NAALADL2: variants seen among roughly 807,000 people sequenced by gnomAD.
The protein encoded by NAALADL2 is N-acetylated alpha-linked acidic dipeptidase like 2, also known as inactive N-acetylated-alpha-linked acidic dipeptidase-like protein 2.
In NAALADL2, 76 loss-of-function variants were observed where a neutral mutation model predicts 87.2. The observed-to-expected ratio is 0.87, with a 90% CI of 0.72 to 1.05. The LOEUF is 1.05. Among genes scored for constraint, NAALADL2 ranks in the 50% least tolerant of loss-of-function variants. The pLI, the probability that NAALADL2 is intolerant of heterozygous loss-of-function variation, is 0.00. For synonymous variants in NAALADL2, 354 were observed against 331.0 expected (o/e 1.07, Z -0.75); for missense variants, 1,089 against 945.8 (o/e 1.15, Z -1.99).
intron 2 of NAALADL2, among the ~76,000 whole-genome samples, chr3:175,224,354 C>T (rs1194403141): frequency 1.3e-5 from 2 of 151,972 alleles, no homozygotes; most frequent in South Asian, 2.1e-4. Context: ...TCTCACAGCC[C>T]GAACCCCTGT....
chr3:175,567,175 G>A (rs921609271), intron 9 of NAALADL2, among the ~76,000 whole-genome samples: 2 of 152,100 alleles, frequency 1.3e-5, no homozygotes, highest in Admixed American at 1.3e-4. Flanking sequence ...GAACAAACCT[G>A]TTTTTATTGT....
intron 1 of NAALADL2, among the ~76,000 whole-genome samples, chr3:174,875,969 G>C (rs1728454606): frequency 6.6e-6 from 1 of 150,754 alleles, no homozygotes; most frequent in Non-Finnish European, 1.5e-5. Flanking sequence ...TTAAAAGATA[G>C]ATAAAAGTGA....
intron 13 of NAALADL2, among the ~76,000 whole-genome samples, chr3:175,796,523 G>A (rs747667173): frequency 2.6e-5 from 4 of 152,188 alleles, no homozygotes; most frequent in Non-Finnish European, 4.4e-5. Context: ...AGTATAAATA[G>A]TGTAGCCATG....
Position 175,809,978 on chromosome 3 carries a change from A to C in NAALADL2, c.*6775A>C, listed in dbSNP as rs1399035548. The C allele has an allele frequency of 6.6e-6, 1 of 152,014 alleles. No individual in the cohort carries two copies. The highest frequency in any genetic ancestry group is 1.9e-4 in the East Asian group (1 of 5,178). The allele number at this position is 152,014 out of a possible 1,614,324, so 9.4% of individuals were successfully genotyped here. A position where few individuals can be genotyped will look rare whatever the true frequency, so the allele number is the denominator to read the frequency against. On this transcript the variant is annotated 3_prime_UTR_variant, in exon 14 of 14. Coordinates refer to ENST00000454872, the MANE Select transcript of NAALADL2 (RefSeq NM_207015.3). ...CTTTGATTAAAAACACATATCTCTC[A>C]AGAGGTGTCCCAATTACTAAATTAT...
intron 2 of NAALADL2, among the ~76,000 whole-genome samples, chr3:174,552,234 CTTA>C (rs1280346657): frequency 6.6e-6 from 1 of 152,066 alleles, no homozygotes; most frequent in Non-Finnish European, 1.5e-5. Flanking sequence ...AGAGAAGGAT[CTTA>C]TTATTGTTGG....
At chr3:175,320,058 G>A (rs1251104679) in intron 4 of NAALADL2, among the ~76,000 whole-genome samples, 1 of 152,140 alleles carries the variant, frequency 6.6e-6, no homozygotes, top group Non-Finnish European at 1.5e-5. Flanking sequence ...CACACAACGA[G>A]CAGTGACTGC....
Position 175,034,143 on chromosome 3 carries a change from A to G in NAALADL2, c.44-62647A>G, listed in dbSNP as rs373547201. ...GTTTTCCTTTTCAAGTATGTTTAGGATCTGATTCAATCTTGCTGTCTCCAC... is the reference window on the plus strand; with the variant it reads ...GTTTTCCTTTTCAAGTATGTTTAGGGTCTGATTCAATCTTGCTGTCTCCAC... On this transcript the variant is annotated intron_variant, in intron 1 of 13. Coordinates refer to ENST00000454872, the MANE Select transcript of NAALADL2 (RefSeq NM_207015.3). Among the ~76,000 whole-genome samples, 8 of 152,080 alleles carry G rather than the reference A, an allele frequency of 5.3e-5. No individual in the cohort carries two copies. The East Asian group carries it at 7.7e-4, about 15-fold the overall frequency.
chr3:174,683,315 TAGAG>T (rs544555131), intron 2 of NAALADL2, among the ~76,000 whole-genome samples: 37 of 152,162 alleles, frequency 2.4e-4, no homozygotes, highest in African/African-American at 7.7e-4. Context: ...AAAGAGGAGA[TAGAG>T]AGAGATACAG....
chr3:175,161,381 GA>G (rs1306633667), intron 2 of NAALADL2, among the ~76,000 whole-genome samples: 1 of 152,108 alleles, frequency 6.6e-6, no homozygotes, highest in East Asian at 1.9e-4. Flanking sequence ...TAAGGGTTAA[GA>G]AATGGCCACA....
Position 175,314,694 on chromosome 3 carries a change from A to ATATATATAGTTCTAAC in NAALADL2, c.940-9473_940-9472insGTTCTAACTATATATA, listed in dbSNP as rs1553857585. Among the ~76,000 whole-genome samples the ATATATATAGTTCTAAC allele has an allele frequency of 5.4e-4, 45 of 82,734 alleles. 1 individual carries two copies. The highest frequency in any genetic ancestry group is 1.8e-3 in the African/African-American group (35 of 19,652). 54.3% of individuals were successfully genotyped at this position (82,734 alleles called of 152,430 possible). The stretch of plus-strand genomic sequence containing the variant: ...TATATATATATATATATATATATAT[A>ATATATATAGTTCTAAC]TATATATATATATATATATATATAT... On this transcript the variant is annotated intron_variant, in intron 4 of 13. Coordinates refer to ENST00000454872, the MANE Select transcript of NAALADL2 (RefSeq NM_207015.3).
rs149615535 is a variant in NAALADL2, at chr3:175,494,671, C to T, written c.1653+22913C>T. Among the ~76,000 whole-genome samples the T allele has an allele frequency of 4.2e-4, 64 of 152,062 alleles. 1 individual carries two copies. Among genetic ancestry groups the T allele is most frequent in the Middle Eastern group, 6.8e-3 (2 of 294 alleles). On this transcript the variant is annotated intron_variant, in intron 9 of 13. Coordinates refer to ENST00000454872, the MANE Select transcript of NAALADL2 (RefSeq NM_207015.3). ...TGTTCTACACTGATGTGACTAATAC[C>T]CACAGGTACCGATTTCCAATCGGTA...
intron 2 of NAALADL2, among the ~76,000 whole-genome samples, chr3:174,595,339 G>A (rs1009212055): frequency 1.3e-5 from 2 of 152,042 alleles, no homozygotes; most frequent in Non-Finnish European, 2.9e-5. Flanking sequence ...AGAGAAAGTA[G>A]AATAAGTTAT....
chr3:174,869,436 A>C (rs2109597085), intron 1 of NAALADL2, among the ~76,000 whole-genome samples: 1 of 152,330 alleles, frequency 6.6e-6, no homozygotes, highest in South Asian at 2.1e-4. Context: ...GTGTGTCTGA[A>C]GAAGATGAGG....
rs566279298 is a variant in NAALADL2 at position 175,532,060 on chromosome 3, T to C, written c.1654-43981T>C. ...CACCCTACCAGTCAGGGAGCAAATGTGGGGATTCTGCCAGCTGCTAAGTGT... is the reference window on the plus strand; with the variant it reads ...CACCCTACCAGTCAGGGAGCAAATGCGGGGATTCTGCCAGCTGCTAAGTGT... On this transcript the variant is annotated intron_variant, in intron 9 of 13. Transcript: ENST00000454872. Among the ~76,000 whole-genome samples, 5 of 152,324 alleles carry C rather than the reference T, an allele frequency of 3.3e-5. No homozygotes were observed. The East Asian group carries it at 9.7e-4, about 29-fold the overall frequency.
At chr3:175,167,906 T>C (rs1255209445) in intron 2 of NAALADL2, among the ~76,000 whole-genome samples, 13 of 152,136 alleles carry the variant, frequency 8.5e-5, no homozygotes, top group Non-Finnish European at 1.5e-5. Flanking sequence ...AGATATATAT[T>C]TTATTTGAAC....
intron 11 of NAALADL2, among the ~76,000 whole-genome samples, chr3:175,710,969 T>G (rs1020647188): frequency 6.6e-6 from 1 of 152,006 alleles, no homozygotes; most frequent in Admixed American, 6.6e-5. Context: ...ATGAATTCTA[T>G]GAACCTTCAT....
At chr3:175,187,959 G>A (rs1045197358) in intron 2 of NAALADL2, among the ~76,000 whole-genome samples, 14 of 152,126 alleles carry the variant, frequency 9.2e-5, no homozygotes, top group Non-Finnish European at 5.9e-5. Context: ...TTTCCTGTAC[G>A]TATTTTCTCT....
chr3:175,087,174 C>G (rs564414309), intron 1 of NAALADL2, among the ~76,000 whole-genome samples: 1 of 152,344 alleles, frequency 6.6e-6, no homozygotes, highest in Middle Eastern at 3.4e-3. Context: ...TCTCCCTTTT[C>G]GTATGCTGCT....
intron 13 of NAALADL2, among the ~76,000 whole-genome samples, chr3:175,758,974 G>A (rs1005168981): frequency 2.6e-5 from 4 of 152,030 alleles, no homozygotes; most frequent in African/African-American, 9.7e-5. Context: ...TTTGTATTTA[G>A]ATCATGTCCC....
Sources: allele counts gnomAD v4.1 joint callset (sites outside exome capture counted in the v4.1 genomes callset), GRCh38; gene constraint gnomAD v4.1.1; transcripts MANE v1.5; gene names NCBI Gene and HGNC (gene_info 2026-07-23, HGNC 2026-07-21).